RAB13: variants seen among roughly 807,000 people sequenced by gnomAD.
RAB13 encodes RAB13, member RAS oncogene family, also known as ras-related protein Rab-13.
In RAB13, 15 loss-of-function variants were observed where a neutral mutation model predicts 29.3. The ratio of observed to expected loss-of-function variants is 0.51; its 90% CI spans 0.34 to 0.79. The LOEUF is 0.79. RAB13 is among the 30% of genes least tolerant of loss of function. RAB13 has a pLI of 0.01. For synonymous variants in RAB13, 82 were observed against 93.8 expected (o/e 0.87, Z 0.73); for missense variants, 186 against 255.5 (o/e 0.73, Z 1.85).
rs1330641199 is a variant in RAB13 at position 153,982,121 on chromosome 1, G to A, written c.590C>T (p.Thr197Ile). 6.2e-7 allele frequency: 1 copy of A among 1,613,730 alleles called. No homozygotes were observed. Among genetic ancestry groups the A allele is most frequent in the Admixed American group, 1.7e-5 (1 of 59,970 alleles). ...TCCTCAGCCCAGGGAGCACTTGTTG[G>A]TGTTCTTCTTGTCACAAGTTTTCAG... ...TDLKTCDKKN[T>I]NKCSLG Residue 197 changes from threonine (T) to isoleucine (I), a missense_variant, in exon 8 of 8, where the codon ACC (threonine) becomes ATC (isoleucine). Transcript: ENST00000368575.
chr1:153,983,622 G>A (rs1571128421), intron 2 of RAB13, 41 bp from the exon 3 acceptor site: 1 of 1,511,628 alleles, frequency 6.6e-7, no homozygotes, highest in Non-Finnish European at 9.2e-7. Context: ...ATAGAGGGAA[G>A]AATTCTCCAA....
At chr1:153,986,455 T>C, upstream of RAB13, 1 of 535,298 alleles carries the variant, frequency 1.9e-6, no homozygotes, top group South Asian at 2.4e-5. Context: ...GCCCGGCCTC[T>C]GTTCTCTCGG....
upstream of RAB13, among the ~76,000 whole-genome samples, chr1:153,988,493 G>T (rs1435368979): frequency 1.4e-5 from 2 of 144,740 alleles, no homozygotes; most frequent in South Asian, 2.1e-4. Context: ...GGGTTTCACC[G>T]TGTTAGCCAG....
upstream of RAB13, among the ~76,000 whole-genome samples, chr1:153,990,254 C>CG (rs981060914): frequency 3.3e-5 from 5 of 152,078 alleles, no homozygotes; most frequent in Non-Finnish European, 7.4e-5. Flanking sequence ...TTAGTAGAGA[C>CG]GGGGTTTCAC....
chr1:153,988,054 G>T (rs1298101193), upstream of RAB13, among the ~76,000 whole-genome samples: 1 of 151,196 alleles, frequency 6.6e-6, no homozygotes, highest in Non-Finnish European at 1.5e-5. Flanking sequence ...GCGCAATCTC[G>T]GCTCACTGCA....
At chr1:153,982,365 T>C (rs772806404) in intron 7 of RAB13, 26 bp downstream of exon 7, 3 of 1,591,066 alleles carry the variant, frequency 1.9e-6, no homozygotes, top group African/African-American at 2.7e-5. Flanking sequence ...CCCAGAGTTG[T>C]ACCTAGTCCA....
chr1:153,989,466 G>C (rs1286712082), upstream of RAB13, among the ~76,000 whole-genome samples: 1 of 142,554 alleles, frequency 7.0e-6, no homozygotes, highest in Non-Finnish European at 1.5e-5. Context: ...AGCCAGGATG[G>C]TCTCGATCTC....
At chr1:153,983,053 A>G in intron 4 of RAB13, 166 bp downstream of exon 4, 1 of 756,572 alleles carries the variant, frequency 1.3e-6, no homozygotes, top group Non-Finnish European at 2.3e-6. Flanking sequence ...TGAACCTGGG[A>G]GGCAGAGGTT....
At chr1:153,986,687 T>C (rs1328355582), upstream of RAB13, among the ~76,000 whole-genome samples, 1 of 149,660 alleles carries the variant, frequency 6.7e-6, no homozygotes, top group Non-Finnish European at 1.5e-5. Flanking sequence ...AGGGTGAAGG[T>C]AGGGAGAGCA....
At chr1:153,990,370 C>G (rs745875400), upstream of RAB13, among the ~76,000 whole-genome samples, 15 of 152,170 alleles carry the variant, frequency 9.9e-5, no homozygotes, top group South Asian at 2.1e-4. Context: ...CCGGCCTAAA[C>G]TGTTAAATTA....
rs564976582 is a variant in RAB13 at position 153,982,985 on chromosome 1, C to T, written c.325-177G>A. On this transcript the variant is annotated intron_variant, in intron 4 of 7. Coordinates refer to ENST00000368575, the MANE Select transcript of RAB13 (RefSeq NM_002870.5). ...TACTAAAAATGCAAAATTAGCCGAG[C>T]ATGGTGGTGCATGCCTGTAATCCCA... The T allele has an allele frequency of 4.9e-5, 35 of 716,044 alleles. No individual in the cohort carries two copies. In the South Asian group the frequency reaches 4.9e-4, roughly 10 times the overall value. The allele number at this position is 716,044 out of a possible 1,614,324, so 44.4% of individuals were successfully genotyped here. A position where few individuals can be genotyped will look rare whatever the true frequency, so the allele number is the denominator to read the frequency against.
rs1482771054 is a variant in RAB13, at chr1:153,981,744, G to T, written c.*355C>A. ...TAGTGTAGTGCCGAGCTAGCCTTTT[G>T]CAGGACCCTAAAACCTGATCTAGTA... On this transcript the variant is annotated 3_prime_UTR_variant, in exon 8 of 8. Coordinates refer to ENST00000368575, the MANE Select transcript of RAB13 (RefSeq NM_002870.5). The T allele has an allele frequency of 3.5e-6, 1 of 283,834 alleles. No individual in the cohort carries two copies. Among genetic ancestry groups the T allele is most frequent in the Non-Finnish European group, 6.8e-6 (1 of 147,622 alleles). 17.6% of individuals were successfully genotyped at this position (283,834 alleles called of 1,614,324 possible).
chr1:153,989,851 C>T (rs148400477), upstream of RAB13, among the ~76,000 whole-genome samples: 1,163 of 151,134 alleles, frequency 7.7e-3, 8 homozygotes, highest in Middle Eastern at 0.021. Context: ...GAGATGGCGC[C>T]ATCACACTAC....
In RAB13 at chr1:153,982,212, T is replaced by G. The variant is rs767565680; in HGVS notation, c.535-36A>C. 6 of 1,589,686 alleles carry G rather than the reference T, an allele frequency of 3.8e-6. No homozygotes were observed. The East Asian group carries it at 1.3e-4, about 36-fold the overall frequency. ...AAGGGCACAGGTGTCATGGTGTGAA[T>G]GGATGGTTAGGGTAGGAGGGTATAA... On this transcript the variant is annotated intron_variant, in intron 7 of 7. Coordinates refer to ENST00000368575, the MANE Select transcript of RAB13 (RefSeq NM_002870.5).
At chr1:153,984,615 T>C in intron 2 of RAB13, 106 bp downstream of exon 2, 1 of 1,022,330 alleles carries the variant, frequency 9.8e-7, no homozygotes, top group Non-Finnish European at 1.5e-6. Flanking sequence ...CTAGCACTTC[T>C]AGAAGGAGCA....
chr1:153,990,698 A>AC (rs1649333982), upstream of RAB13: 1 of 1,518,792 alleles, frequency 6.6e-7, no homozygotes, highest in African/African-American at 1.4e-5. Context: ...ACATGGTGGC[A>AC]CAAGATCCTT....
chr1:153,982,602 T>G lies in RAB13; in HGVS notation c.415-2A>C. ...TCGGATTCCATGCTCTCGAGCCAAC[T>G]ATAAGGGGTGAAGTGGGAAGAGAAT... On this transcript the variant is annotated splice_acceptor_variant, in intron 5 of 7. Coordinates refer to ENST00000368575, the MANE Select transcript of RAB13 (RefSeq NM_002870.5). LOFTEE classifies it high-confidence loss of function. 6.2e-7 allele frequency: 1 copy of G among 1,613,422 alleles called. No homozygotes were observed. The highest frequency in any genetic ancestry group is 8.5e-7 in the Non-Finnish European group (1 of 1,179,396).
intron 1 of RAB13, 34 bp downstream of exon 1, chr1:153,986,079 G>C (rs749227086): frequency 1.5e-5 from 24 of 1,612,092 alleles, no homozygotes; most frequent in Non-Finnish European, 1.9e-5. Flanking sequence ...GGTCACAGGA[G>C]AGTCGGGGTC....
At chr1:153,990,649 T>C (rs931130948), upstream of RAB13, 3 of 1,027,706 alleles carry the variant, frequency 2.9e-6, no homozygotes, top group African/African-American at 3.2e-5. Flanking sequence ...GCAGCTCCCT[T>C]GTCTCCCCAC....
Sources: allele counts gnomAD v4.1 joint callset (sites outside exome capture counted in the v4.1 genomes callset), GRCh38; gene constraint gnomAD v4.1.1; transcripts MANE v1.5; gene names NCBI Gene and HGNC (gene_info 2026-07-23, HGNC 2026-07-21).